NTRK2: variants seen among roughly 807,000 people sequenced by gnomAD.
The protein encoded by NTRK2 is BDNF/NT-3 growth factors receptor.
A neutral mutation model predicts 94.5 loss-of-function variants in NTRK2; 13 were observed. The ratio of observed to expected loss-of-function variants is 0.14; its 90% CI spans 0.09 to 0.22. The LOEUF (loss-of-function observed/expected upper bound fraction) is 0.22, where lower values mean the gene tolerates loss of function less well. Among genes scored for constraint, NTRK2 ranks in the 10% least tolerant of loss-of-function variants. The pLI is 1.00. For synonymous variants in NTRK2, 372 were observed against 407.4 expected (o/e 0.91, Z 1.05); for missense variants, 639 against 1,071.2 (o/e 0.60, Z 5.63).
chr9:84,910,235 G>T (rs982547171), intron 14 of NTRK2, among the ~76,000 whole-genome samples: 1 of 152,096 alleles, frequency 6.6e-6, no homozygotes, highest in Non-Finnish European at 1.5e-5. Context: ...CCACAAACTT[G>T]GTGGCTTAAA....
At chr9:84,943,989 C>G (rs1442261246) in intron 15 of NTRK2, among the ~76,000 whole-genome samples, 1 of 152,024 alleles carries the variant, frequency 6.6e-6, no homozygotes, top group Non-Finnish European at 1.5e-5. Flanking sequence ...AATGGATGGG[C>G]ATGTTGGATG....
chr9:85,013,354 A>G (rs4877899), intron 17 of NTRK2, among the ~76,000 whole-genome samples: 110,755 of 152,048 alleles, frequency 0.73, 40,947 homozygotes, highest in African/African-American at 0.81. Context: ...CCAGGCTGGA[A>G]TGCAGTGGCG....
chr9:84,692,219 TTGGAAGAAAAAA>T (rs2060089432), intron 2 of NTRK2, among the ~76,000 whole-genome samples: 1 of 152,008 alleles, frequency 6.6e-6, no homozygotes, highest in African/African-American at 2.4e-5. Context: ...ATTAAATACG[TTGGAAGAAAAAA>T]AATTGTCAGA....
intron 17 of NTRK2, among the ~76,000 whole-genome samples, chr9:85,010,860 G>C (rs1379595705): frequency 2.0e-5 from 3 of 152,154 alleles, no homozygotes; most frequent in Non-Finnish European, 4.4e-5. Context: ...TCTAAAACTA[G>C]GGGTCTTTGG....
chr9:84,811,836 A>G, intron 12 of NTRK2: 1 of 1,065,200 alleles, frequency 9.4e-7, no homozygotes, highest in Non-Finnish European at 1.1e-6. Flanking sequence ...TTAGCATCAC[A>G]GTGACCTTTG....
chr9:84,815,919 G>A (rs971748087), intron 12 of NTRK2, among the ~76,000 whole-genome samples: 1 of 150,026 alleles, frequency 6.7e-6, no homozygotes, highest in South Asian at 2.1e-4. Context: ...ATTCCTGTCA[G>A]TATGAATTGT....
At chr9:84,887,272 C>G (rs1430007123) in intron 14 of NTRK2, among the ~76,000 whole-genome samples, 1 of 152,182 alleles carries the variant, frequency 6.6e-6, no homozygotes, top group African/African-American at 2.4e-5. Flanking sequence ...TGTGTTGCTC[C>G]TTTTCTTCTC....
intron 14 of NTRK2, among the ~76,000 whole-genome samples, chr9:84,924,487 G>A (rs901653348): frequency 3.3e-5 from 5 of 152,124 alleles, no homozygotes; most frequent in African/African-American, 7.2e-5. Flanking sequence ...AAACATTGCC[G>A]GGACTGACTG....
At chr9:84,801,556 T>A (rs1247946882) in intron 12 of NTRK2, among the ~76,000 whole-genome samples, 1 of 152,202 alleles carries the variant, frequency 6.6e-6, no homozygotes, top group Non-Finnish European at 1.5e-5. Context: ...AGCCACAGGA[T>A]TCAGAGGGTA....
At chr9:84,753,229 G>C (rs1225889284) in intron 12 of NTRK2, among the ~76,000 whole-genome samples, 1 of 151,962 alleles carries the variant, frequency 6.6e-6, no homozygotes, top group East Asian at 1.9e-4. Context: ...GTTTCTTCAG[G>C]GGAGGAAAGA....
intron 2 of NTRK2, among the ~76,000 whole-genome samples, chr9:84,690,683 C>T (rs750772921): frequency 6.6e-6 from 1 of 150,974 alleles, no homozygotes; most frequent in Admixed American, 6.6e-5. Flanking sequence ...CACGCCACTG[C>T]ACTCCAGCCT....
chr9:84,757,577 C>G (rs1307782342), intron 12 of NTRK2, among the ~76,000 whole-genome samples: 1 of 152,190 alleles, frequency 6.6e-6, no homozygotes, highest in Non-Finnish European at 1.5e-5. Context: ...GCAAATATCT[C>G]ATCCTCTCTT....
intron 2 of NTRK2, among the ~76,000 whole-genome samples, chr9:84,701,144 A>T (rs1413452486): frequency 1.3e-5 from 2 of 152,240 alleles, no homozygotes; most frequent in African/African-American, 4.8e-5. Flanking sequence ...ATCACTAGGG[A>T]CTTTACTGAT....
chr9:84,895,126 G>A (rs141254072), intron 14 of NTRK2, among the ~76,000 whole-genome samples: 9 of 152,314 alleles, frequency 5.9e-5, no homozygotes, highest in East Asian at 1.9e-4. Flanking sequence ...CAGGAGGCTC[G>A]TGGACTTCGT....
At chr9:84,942,773 GT>G (rs77265205) in intron 15 of NTRK2, among the ~76,000 whole-genome samples, 9,218 of 148,580 alleles carry the variant, frequency 0.062, 367 homozygotes, top group Admixed American at 0.12. Context: ...AATCTGTTAG[GT>G]TTTTTTTTTA....
At chr9:84,691,390 A>G (rs1349271824) in intron 2 of NTRK2, among the ~76,000 whole-genome samples, 1 of 152,196 alleles carries the variant, frequency 6.6e-6, no homozygotes, top group Non-Finnish European at 1.5e-5. Context: ...TATAACAGAT[A>G]CAACTCAGGA....
Position 84,740,469 on chromosome 9 carries a change from G to A in NTRK2, c.1160-1423G>A, listed in dbSNP as rs116344354. Among the ~76,000 whole-genome samples, 975 of 152,234 alleles carry A rather than the reference G, an allele frequency of 6.4e-3. 19 individuals are homozygous for A. Among genetic ancestry groups the A allele is most frequent in the African/African-American group, 0.022 (902 of 41,484 alleles). ...CAATGACTTTGCATACATTGATACA[G>A]TGCCATCATATGTGGCTGCACAGGG... On this transcript the variant is annotated intron_variant, in intron 9 of 18. Coordinates refer to ENST00000277120, the MANE Select transcript of NTRK2 (RefSeq NM_006180.6).
At chr9:84,919,771 C>T (rs1013196237) in intron 14 of NTRK2, among the ~76,000 whole-genome samples, 3 of 152,036 alleles carry the variant, frequency 2.0e-5, no homozygotes, top group African/African-American at 2.4e-5. Flanking sequence ...TAGCAGTGGC[C>T]GCACCATATA....
intron 17 of NTRK2, among the ~76,000 whole-genome samples, chr9:84,975,903 A>T (rs767923720): frequency 6.6e-5 from 10 of 152,110 alleles, no homozygotes; most frequent in South Asian, 2.1e-4. Context: ...AACACAAAGG[A>T]TAGCATAGGT....
Sources: allele counts gnomAD v4.1 joint callset (sites outside exome capture counted in the v4.1 genomes callset), GRCh38; gene constraint gnomAD v4.1.1; transcripts MANE v1.5; gene names NCBI Gene and HGNC (gene_info 2026-07-23, HGNC 2026-07-21).